The following POC1A variants were observed in gnomAD, a reference collection of about 807,000 sequenced individuals.
POC1A encodes POC1 centriolar protein A.
A neutral mutation model predicts 47.8 loss-of-function variants in POC1A; 34 were observed. The ratio of observed to expected loss-of-function variants is 0.71; its 90% CI spans 0.54 to 0.95. The LOEUF (loss-of-function observed/expected upper bound fraction) is 0.95, where lower values mean the gene tolerates loss of function less well. Ranked by LOEUF, POC1A falls within the 40% of genes least tolerant of loss-of-function variation. The pLI is 0.00. For missense variants in POC1A, 466 were observed against 528.3 expected (o/e 0.88, Z 1.16); for synonymous variants, 177 against 207.6 (o/e 0.85, Z 1.27).
In POC1A at chr3:52,151,091, A is replaced by T. The variant is rs1698540855; in HGVS notation, c.28T>A (p.Ser10Thr). The T allele has an allele frequency of 1.2e-6, 2 of 1,613,598 alleles. No homozygotes were observed. Among genetic ancestry groups the T allele is most frequent in the Non-Finnish European group, 1.7e-6 (2 of 1,179,774 alleles). Reference sequence around the variant, plus strand: ...TGGCCCTTAAAATGCCTTTCCAGCGAGGGGTCCTCCTGAGAGAGAGCCAGG... The same window carrying T: ...TGGCCCTTAAAATGCCTTTCCAGCGTGGGGTCCTCCTGAGAGAGAGCCAGG... MAAPCAEDPSLERHFKGHRD... is the reference protein window; with the variant it reads MAAPCAEDPTLERHFKGHRD... Residue 10 changes from serine (S) to threonine (T), a missense_variant, in exon 2 of 11, where the codon TCG (serine) becomes ACG (threonine). Transcript: ENST00000296484.
chr3:52,115,705 C>G (rs1328386846), intron 9 of POC1A, among the ~76,000 whole-genome samples: 1 of 152,126 alleles, frequency 6.6e-6, no homozygotes, highest in Non-Finnish European at 1.5e-5. Context: ...CACGCGAGGA[C>G]ACAGTGAGAA....
At chr3:52,124,434 G>C (rs1703918284) in intron 8 of POC1A, among the ~76,000 whole-genome samples, 1 of 152,212 alleles carries the variant, frequency 6.6e-6, no homozygotes, top group Non-Finnish European at 1.5e-5. Context: ...TCAGAGCAGA[G>C]GGTGACAAGG....
intron 8 of POC1A, 144 bp from the exon 9 acceptor site, chr3:52,122,621 C>T (rs1703826629): frequency 9.4e-6 from 6 of 638,634 alleles, no homozygotes; most frequent in South Asian, 5.4e-5. Flanking sequence ...AACTCAATTC[C>T]GGGACCTACC....
At chr3:52,152,169 G>GCTACT (rs1698578706) in intron 1 of POC1A, among the ~76,000 whole-genome samples, 1 of 152,174 alleles carries the variant, frequency 6.6e-6, no homozygotes, top group African/African-American at 2.4e-5. Context: ...CAGCTACTCA[G>GCTACT]GAGGGTGAGG....
At position 52,090,815 on chromosome 3, in the gene POC1A, C is replaced by T. The variant is rs1468815145; in HGVS notation, c.1125+5754G>A. On this transcript the variant is annotated intron_variant, in intron 10 of 10. Transcript: ENST00000296484. This position sits in a 1 kb window ranked among gnomAD's most constrained non-coding sequence, Gnocchi z 4.2. ...AGGCAGGCCTAGCAGCCTCGGGGTCCGGCCTAGAGTCCTCCAGGGGTGCTC... is the reference window on the plus strand; with the variant it reads ...AGGCAGGCCTAGCAGCCTCGGGGTCTGGCCTAGAGTCCTCCAGGGGTGCTC... Among the ~76,000 whole-genome samples the T allele has an allele frequency of 2.0e-5, 3 of 151,898 alleles. No individual in the cohort carries two copies. Among genetic ancestry groups the T allele is most frequent in the African/African-American group, 7.3e-5 (3 of 41,352 alleles).
chr3:52,120,469 A>C (rs1423021191), intron 9 of POC1A, among the ~76,000 whole-genome samples: 3 of 152,192 alleles, frequency 2.0e-5, no homozygotes, highest in Admixed American at 1.3e-4. Flanking sequence ...TGAACCAAGA[A>C]TGATTTTAGG....
intron 9 of POC1A, among the ~76,000 whole-genome samples, chr3:52,103,964 T>C (rs896120813): frequency 3.3e-5 from 5 of 152,194 alleles, no homozygotes; most frequent in African/African-American, 7.2e-5. Flanking sequence ...ACACCTATTA[T>C]ATGTCCCAGC....
chr3:52,151,275 T>C, intron 1 of POC1A, 175 bp from the exon 2 acceptor site: 1 of 865,176 alleles, frequency 1.2e-6, no homozygotes, highest in Non-Finnish European at 1.6e-6. Context: ...AGGAATAGTT[T>C]TTACTATTTG....
chr3:52,103,871 T>G (rs921787860), intron 9 of POC1A, among the ~76,000 whole-genome samples: 2 of 152,092 alleles, frequency 1.3e-5, no homozygotes, highest in Non-Finnish European at 2.9e-5. Flanking sequence ...GTGGAGCAAC[T>G]TGAACTCTCA....
In POC1A at chr3:52,084,315, A is replaced by G. The variant is rs781432428; in HGVS notation, c.1126-8330T>C. 5.7e-4 allele frequency among the ~76,000 whole-genome samples: 87 copies of G among 152,154 alleles called. No homozygotes were observed. The highest frequency in any genetic ancestry group is 1.1e-3 in the Non-Finnish European group (72 of 68,024). On this transcript the variant is annotated intron_variant, in intron 10 of 10. Transcript: ENST00000296484. This position sits in a 1 kb window ranked among gnomAD's most constrained non-coding sequence, Gnocchi z 4.3. Reference sequence around the variant, plus strand: ...ACCACCTTTGCTGAAGGCTTCCCTCATGCACTCATGGGCAAACATGGCAGG... The same window carrying G: ...ACCACCTTTGCTGAAGGCTTCCCTCGTGCACTCATGGGCAAACATGGCAGG...
chr3:52,093,438 T>C (rs1702707948), intron 10 of POC1A, among the ~76,000 whole-genome samples: 1 of 152,166 alleles, frequency 6.6e-6, no homozygotes, highest in Non-Finnish European at 1.5e-5. Context: ...GAGCTATTTC[T>C]GGTGCTGTCA....
chr3:52,112,590 C>T (rs1466371359), intron 9 of POC1A, among the ~76,000 whole-genome samples: 9 of 152,002 alleles, frequency 5.9e-5, no homozygotes, highest in South Asian at 2.1e-4. Flanking sequence ...TGCAGTGAGC[C>T]GAGATCGCAC....
chr3:52,113,708 CAAAAACAAACAA>C (rs1194840333), intron 9 of POC1A, among the ~76,000 whole-genome samples: 1 of 152,124 alleles, frequency 6.6e-6, no homozygotes. Flanking sequence ...TCTCAAAAAA[CAAAAACAAACAA>C]AAAAACAAAA....
chr3:52,136,318 G>T (rs1704461823), intron 7 of POC1A, among the ~76,000 whole-genome samples: 1 of 152,070 alleles, frequency 6.6e-6, no homozygotes, highest in African/African-American at 2.4e-5. Flanking sequence ...GATGGGCAGG[G>T]CCTACCCACC....
Position 52,096,665 on chromosome 3 carries a change from C to T in POC1A, c.1029G>A (p.Glu343=), listed in dbSNP as rs746721553. The T allele has an allele frequency of 5.6e-6, 9 of 1,610,486 alleles. No individual in the cohort carries two copies. The Admixed American group carries it at 1.5e-4, about 27-fold the overall frequency. The change falls in exon 10 of 11, where the codon GAG becomes GAA. Residue 343 remains glutamate, a synonymous_variant. Transcript: ENST00000296484. The part of the protein sequence containing the change: ...PVPPGRGRSV[E]SVQSQPQEPV... The stretch of plus-strand genomic sequence containing the variant: ...GCTCCTGGGGCTGGCTCTGCACAGA[C>T]TCCACACTCCTGCCTCTGCCTGGGG...
chr3:52,140,805 G>A (rs989350324), intron 6 of POC1A, among the ~76,000 whole-genome samples: 1 of 152,068 alleles, frequency 6.6e-6, no homozygotes, highest in African/African-American at 2.4e-5. Flanking sequence ...CTCTGTGGAG[G>A]TGGTGGGGAG....
At chr3:52,151,618 A>AC (rs1233528969) in intron 1 of POC1A, among the ~76,000 whole-genome samples, 1 of 151,804 alleles carries the variant, frequency 6.6e-6, no homozygotes, top group Non-Finnish European at 1.5e-5. Context: ...CTCAAAAAAA[A>AC]AAAAAAAAAA....
chr3:52,093,753 C>T (rs951500562), intron 10 of POC1A, among the ~76,000 whole-genome samples: 3 of 152,172 alleles, frequency 2.0e-5, no homozygotes, highest in Non-Finnish European at 2.9e-5. Context: ...ACAGAGGAGC[C>T]GCTGAAGGGG....
chr3:52,113,287 C>T (rs1703445223), intron 9 of POC1A, among the ~76,000 whole-genome samples: 1 of 152,242 alleles, frequency 6.6e-6, no homozygotes, highest in Admixed American at 6.5e-5. Flanking sequence ...TGCCCTGGGC[C>T]TGGGTGGCCC....
Sources: gnomAD v4.1 joint callset for allele counts (sites outside exome capture counted in the v4.1 genomes callset) on GRCh38, gnomAD v4.1.1 for gene constraint, Gnocchi (gnomAD v3.1) non-coding constraint, MANE v1.5 for transcripts, NCBI Gene and HGNC (gene_info 2026-07-23, HGNC 2026-07-21) for gene names.